Variants in ODAD3 observed in about 807,000 individuals in gnomAD.
The protein encoded by ODAD3 is outer dynein arm-docking complex subunit 3.
A neutral mutation model predicts 70.9 loss-of-function variants in ODAD3; 57 were observed. That is an observed-to-expected ratio of 0.80 (90% CI 0.65 to 1.00). The LOEUF (loss-of-function observed/expected upper bound fraction) is 1.00, where lower values mean the gene tolerates loss of function less well. Ranked by LOEUF, ODAD3 falls within the 50% of genes least tolerant of loss-of-function variation. The pLI is 0.00. For synonymous variants in ODAD3, 327 were observed against 315.9 expected (o/e 1.04, Z -0.37); for missense variants, 797 against 763.9 (o/e 1.04, Z -0.51).
In ODAD3 at chr19:11,433,729, C is replaced by A. The variant is rs192046030; in HGVS notation, c.244+1044G>T. Among the ~76,000 whole-genome samples the A allele has an allele frequency of 3.3e-3, 502 of 152,152 alleles. 4 individuals are homozygous for A. Among genetic ancestry groups the A allele is most frequent in the Non-Finnish European group, 3.9e-3 (266 of 67,998 alleles). ...ATTGCTTGAGCCCAGGAGTTTGAGACCAGCCTGGGCAGCATAGTGAGACCC... is the reference window on the plus strand; with the variant it reads ...ATTGCTTGAGCCCAGGAGTTTGAGAACAGCCTGGGCAGCATAGTGAGACCC... On this transcript the variant is annotated intron_variant, in intron 1 of 12. Transcript: ENST00000356392.
chr19:11,430,183 G>A (rs1204051945), intron 3 of ODAD3, among the ~76,000 whole-genome samples: 2 of 151,928 alleles, frequency 1.3e-5, no homozygotes, highest in South Asian at 2.1e-4. Flanking sequence ...TGTTGCCCAG[G>A]CTGGAGTGTA....
chr19:11,426,838 C>G, intron 4 of ODAD3, 35 bp downstream of exon 4: 1 of 1,612,348 alleles, frequency 6.2e-7, no homozygotes, highest in Non-Finnish European at 8.5e-7. Context: ...CCCTCCCACA[C>G]GACCCTCTGC....
intron 3 of ODAD3, among the ~76,000 whole-genome samples, chr19:11,429,109 C>A (rs947229577): frequency 6.6e-6 from 1 of 150,610 alleles, no homozygotes; most frequent in Admixed American, 6.6e-5. Context: ...AAACGCCCGA[C>A]CTCAGGTGAT....
At chr19:11,425,399 A>ATG (rs1390910815) in intron 7 of ODAD3, among the ~76,000 whole-genome samples, 31 of 132,264 alleles carry the variant, frequency 2.3e-4, no homozygotes, top group African/African-American at 9.9e-4. Context: ...ATATGTGTAT[A>ATG]TGTATATATA....
At chr19:11,424,413 G>T (rs1054660497) in intron 7 of ODAD3, among the ~76,000 whole-genome samples, 3 of 151,228 alleles carry the variant, frequency 2.0e-5, no homozygotes, top group Non-Finnish European at 4.4e-5. Flanking sequence ...GAGGTGAGAG[G>T]ATCACTTGAG....
rs1199476325 is a variant in ODAD3, at chr19:11,422,104, G to A, written c.1435-272C>T. ...GGCCATTGTGGGATGGCCTCCTGAA[G>A]AAATGGCCCTCTGCTGCGGGCAGGA... On this transcript the variant is annotated intron_variant, in intron 10 of 12. Transcript: ENST00000356392. This position sits in a 1 kb window ranked among gnomAD's most constrained non-coding sequence, Gnocchi z 4.6. Among the ~76,000 whole-genome samples, 2 of 152,234 alleles carry A rather than the reference G, an allele frequency of 1.3e-5. No homozygotes were observed. The highest frequency in any genetic ancestry group is 2.9e-5 in the Non-Finnish European group (2 of 68,022).
chr19:11,428,861 T>TTTTA (rs1195887473), intron 3 of ODAD3, among the ~76,000 whole-genome samples: 19,170 of 135,458 alleles, frequency 0.14, 1,496 homozygotes, highest in African/African-American at 0.22. Context: ...GTGTTTTATT[T>TTTTA]TTTATTTATT....
intron 7 of ODAD3, among the ~76,000 whole-genome samples, chr19:11,425,332 T>C (rs978343190): frequency 1.4e-5 from 2 of 137,990 alleles, no homozygotes; most frequent in South Asian, 2.2e-4. Flanking sequence ...TATGTACATA[T>C]GTGTATATAT....
chr19:11,423,689 G>C (rs898076075), intron 8 of ODAD3, among the ~76,000 whole-genome samples, 188 bp downstream of exon 8: 4 of 152,104 alleles, frequency 2.6e-5, no homozygotes, highest in African/African-American at 9.7e-5. Flanking sequence ...GCGAAGGGCA[G>C]CAGAAAAACT....
chr19:11,430,455 A>T, intron 3 of ODAD3: 2 of 498,674 alleles, frequency 4.0e-6, no homozygotes, highest in South Asian at 3.1e-5. Context: ...TTTTTTTTTT[A>T]ACTTGTTTTC....
At position 11,420,890 on chromosome 19, in the gene ODAD3, C is replaced by T. The variant is rs1184712064; in HGVS notation, c.1733G>A (p.Arg578His). 2 of 1,613,808 alleles carry T rather than the reference C, an allele frequency of 1.2e-6. No individual in the cohort carries two copies. Among genetic ancestry groups the T allele is most frequent in the African/African-American group, 1.3e-5 (1 of 74,826 alleles). ...GTGACTTTCGATTAATTTCTGGGAA[C>T]GGATCTTGAGTGATGCGCGGGTCAC... ...EVVTRASLKI[R>H]SQKLIESHKK... The change falls in exon 13 of 13, where the codon CGT becomes CAT. Residue 578 changes from arginine (R) to histidine (H), a missense_variant. Arg to His is a conservative substitution (Grantham distance 29). Transcript: ENST00000356392.
chr19:11,424,171 G>C, intron 7 of ODAD3, 142 bp from the exon 8 acceptor site: 1 of 1,065,764 alleles, frequency 9.4e-7, no homozygotes, highest in Non-Finnish European at 1.4e-6. Context: ...CTTGGGGCCA[G>C]ATAAAGGCAC....
chr19:11,427,267 C>T (rs1969401584), intron 3 of ODAD3, among the ~76,000 whole-genome samples: 1 of 151,322 alleles, frequency 6.6e-6, no homozygotes, highest in South Asian at 2.1e-4. Flanking sequence ...GCTCAGGGTT[C>T]TAAAAAAATA....
intron 11 of ODAD3, 25 bp downstream of exon 11, chr19:11,421,652 G>C: frequency 1.2e-6 from 2 of 1,604,936 alleles, no homozygotes; most frequent in Non-Finnish European, 1.7e-6. Context: ...GATCTCTGGA[G>C]CTCTGCCCCA....
chr19:11,432,670 C>T lies in ODAD3; in HGVS notation c.245-1650G>A, dbSNP rs180989472. On this transcript the variant is annotated intron_variant, in intron 1 of 12. Transcript: ENST00000356392. ...GTTGGATGCTGGACTAAGAGGTTTC[C>T]GAATGCCATATATCACGTGCCAATA... 1.3e-3 allele frequency among the ~76,000 whole-genome samples: 202 copies of T among 152,272 alleles called. 1 individual carries two copies. Among genetic ancestry groups the T allele is most frequent in the Non-Finnish European group, 2.2e-3 (152 of 68,036 alleles).
chr19:11,428,739 A>G (rs909409150), intron 3 of ODAD3, among the ~76,000 whole-genome samples: 2 of 151,148 alleles, frequency 1.3e-5, no homozygotes, highest in Non-Finnish European at 2.9e-5. Context: ...TTGTAGAGTC[A>G]AAGTTTCACT....
intron 1 of ODAD3, among the ~76,000 whole-genome samples, chr19:11,432,712 G>A (rs867932946): frequency 1.3e-5 from 2 of 152,102 alleles, no homozygotes; most frequent in Non-Finnish European, 2.9e-5. Flanking sequence ...CATGGCATAC[G>A]CATATCATAC....
Position 11,421,845 on chromosome 19 carries a change from T to TAGAGCCGGG in ODAD3, c.1435-22_1435-14dup, listed in dbSNP as rs771618530. On this transcript the variant is annotated splice_polypyrimidine_tract_variant and intron_variant, in intron 10 of 12. Transcript: ENST00000356392. ...AGCGGCCGTCCTCCTGCGGCCAGGG[T>TAGAGCCGGG]AGAGCCGGGTCAGCCGAGAGGGGTG... is the stretch of plus-strand genomic sequence containing the variant. 21 of 1,608,864 alleles carry TAGAGCCGGG rather than the reference T, an allele frequency of 1.3e-5. No homozygotes were observed. Among genetic ancestry groups the TAGAGCCGGG allele is most frequent in the Non-Finnish European group, 1.7e-5 (20 of 1,177,766 alleles).
At chr19:11,425,507 G>GTATATATGTATATA (rs1969332842) in intron 7 of ODAD3, among the ~76,000 whole-genome samples, 6 of 139,112 alleles carry the variant, frequency 4.3e-5, no homozygotes, top group Non-Finnish European at 7.9e-5. Context: ...ATGTATATAT[G>GTATATATGTATATA]TGTGTATATA....
Sources: allele counts gnomAD v4.1 joint callset (sites outside exome capture counted in the v4.1 genomes callset), GRCh38; gene constraint gnomAD v4.1.1; non-coding constraint Gnocchi (gnomAD v3.1); transcripts MANE v1.5; gene names NCBI Gene and HGNC (gene_info 2026-07-23, HGNC 2026-07-21).